The following CTSB variants were observed in gnomAD, a reference collection of about 807,000 sequenced individuals.
CTSB encodes cathepsin B, also known as APP secretase.
CTSB carries 57 observed loss-of-function variants against 44.3 expected under a neutral mutation model. The ratio of observed to expected loss-of-function variants is 1.29; its 90% CI spans 1.04 to 1.60. CTSB has a LOEUF of 1.60. CTSB is among the 40% of genes most tolerant of loss of function. The probability of loss-of-function intolerance (pLI) is 0.00; values close to 1 mark genes in which losing one functional copy is unlikely to be tolerated. For synonymous variants in CTSB, 320 were observed against 168.0 expected (o/e 1.91, Z -7.00); for missense variants, 768 against 443.0 (o/e 1.73, Z -6.59).
intron 1 of CTSB, among the ~76,000 whole-genome samples, chr8:11,858,438 G>A (rs902672292): frequency 1.3e-5 from 2 of 152,104 alleles, no homozygotes; most frequent in African/African-American, 4.8e-5. Flanking sequence ...GGGACTACAG[G>A]CATACACCAC....
At chr8:11,846,719 G>A (rs755822377) in intron 8 of CTSB, among the ~76,000 whole-genome samples, 2 of 152,248 alleles carry the variant, frequency 1.3e-5, no homozygotes, top group African/African-American at 2.4e-5. Flanking sequence ...AAGCCAGGAA[G>A]GCGAGGGCAG....
At chr8:11,855,745 T>C (rs1326014157) in intron 1 of CTSB, among the ~76,000 whole-genome samples, 1 of 152,012 alleles carries the variant, frequency 6.6e-6, no homozygotes. Flanking sequence ...TCAACCGGCA[T>C]GGTGGCTCAA....
chr8:11,850,275 T>C (rs1242870634), intron 4 of CTSB, among the ~76,000 whole-genome samples: 2 of 151,770 alleles, frequency 1.3e-5, no homozygotes, highest in East Asian at 3.9e-4. Context: ...AAAAATTAGC[T>C]GGGCGTGGTG....
rs73534712 is a variant in CTSB, at chr8:11,863,989, T to C, written c.-26+4012A>G. 4.7e-3 allele frequency among the ~76,000 whole-genome samples: 712 copies of C among 152,184 alleles called. 2 individuals carry two copies. The highest frequency in any genetic ancestry group is 0.016 in the African/African-American group (649 of 41,506). ...GGATATTTATTGTAGCATGGGATAA[T>C]AGTGAACACGAAATAACATAACTGT... On this transcript the variant is annotated intron_variant, in intron 1 of 9. Transcript: ENST00000353047.
At chr8:11,864,837 C>T (rs1042781469) in intron 1 of CTSB, among the ~76,000 whole-genome samples, 4 of 151,820 alleles carry the variant, frequency 2.6e-5, no homozygotes, top group Admixed American at 1.3e-4. Flanking sequence ...TTGCTTGAAC[C>T]TGGGAGGTGA....
intron 1 of CTSB, among the ~76,000 whole-genome samples, chr8:11,859,131 G>A (rs6981167): frequency 6.6e-6 from 1 of 151,928 alleles, no homozygotes; most frequent in Non-Finnish European, 1.5e-5. Context: ...CTAATCTTTG[G>A]GTTAAAAAAA....
rs1212346366 is a variant in CTSB at position 11,845,026 on chromosome 8, G to C, written c.*99C>G. On this transcript the variant is annotated 3_prime_UTR_variant, in exon 10 of 10. Transcript: ENST00000353047. ...GATGTTTGGCCAATCCAGTCCTTCA[G>C]ACCCTGTCTGAAACTTGTATCTTAC... The C allele has an allele frequency of 8.5e-6, 7 of 821,078 alleles. No individual in the cohort carries two copies. The highest frequency in any genetic ancestry group is 4.1e-6 in the Non-Finnish European group (2 of 493,682). The allele number at this position is 821,078 out of a possible 1,614,324, so 50.9% of individuals were successfully genotyped here.
At chr8:11,866,763 G>A (rs1239570686) in intron 1 of CTSB, among the ~76,000 whole-genome samples, 1 of 152,198 alleles carries the variant, frequency 6.6e-6, no homozygotes, top group African/African-American at 2.4e-5. Context: ...GGGAGGCTGA[G>A]GCAGGAGAAT....
intron 8 of CTSB, among the ~76,000 whole-genome samples, chr8:11,845,990 T>C (rs537907639): frequency 1.3e-5 from 2 of 152,334 alleles, no homozygotes; most frequent in East Asian, 3.8e-4. Flanking sequence ...CACTCAAAGT[T>C]GTTGAGTAAA....
chr8:11,846,870 ACAGT>A (rs1251700660), intron 8 of CTSB, among the ~76,000 whole-genome samples, 178 bp downstream of exon 8: 14 of 152,156 alleles, frequency 9.2e-5, no homozygotes, highest in East Asian at 5.8e-4. Flanking sequence ...CTGGACAAAG[ACAGT>A]CAGGTGCCAG....
At chr8:11,863,850 G>C (rs1816750627) in intron 1 of CTSB, among the ~76,000 whole-genome samples, 1 of 152,136 alleles carries the variant, frequency 6.6e-6, no homozygotes, top group Non-Finnish European at 1.5e-5. Flanking sequence ...CAACCACACT[G>C]GAGAACCCTT....
intron 4 of CTSB, chr8:11,849,394 C>T (rs1402031554): frequency 2.7e-6 from 1 of 373,064 alleles, no homozygotes; most frequent in East Asian, 5.1e-5. Context: ...GATTTGCCCA[C>T]CTTGGCCTCC....
chr8:11,848,246 G>C (rs778399156), intron 5 of CTSB, 94 bp from the exon 6 acceptor site: 2 of 1,082,100 alleles, frequency 1.8e-6, no homozygotes, highest in Admixed American at 3.6e-5. Flanking sequence ...GCCACTCGTG[G>C]ACCCACCCCC....
In CTSB at chr8:11,843,249, T is replaced by TA. The variant is rs1363339674; in HGVS notation, c.*1875dup. ...GGCGTGAGCCACGACGGCCGGCTGTTATGCTCATCATGGCACTTAAGAGAT... is the reference window on the plus strand; with the variant it reads ...GGCGTGAGCCACGACGGCCGGCTGTTAATGCTCATCATGGCACTTAAGAGAT... On this transcript the variant is annotated 3_prime_UTR_variant, in exon 10 of 10. Transcript: ENST00000353047. 3.9e-5 allele frequency: 6 copies of TA among 152,208 alleles called. No individual in the cohort carries two copies. The highest frequency in any genetic ancestry group is 1.4e-4 in the African/African-American group (6 of 41,486). 9.4% of individuals were successfully genotyped at this position (152,208 alleles called of 1,614,324 possible). A position where few individuals can be genotyped will look rare whatever the true frequency, so the allele number is the denominator to read the frequency against.
At chr8:11,864,489 A>G (rs1816844405) in intron 1 of CTSB, 1 of 152,142 alleles carries the variant, frequency 6.6e-6, no homozygotes, top group Non-Finnish European at 1.5e-5. Context: ...AGACCCTGTC[A>G]TTAATCAAAC....
chr8:11,866,471 C>G (rs1817168481), intron 1 of CTSB, among the ~76,000 whole-genome samples: 1 of 152,380 alleles, frequency 6.6e-6, no homozygotes, highest in Non-Finnish European at 1.5e-5. Context: ...AGGGAAGCCT[C>G]TGTTCTCCAG....
At chr8:11,848,999 A>G (rs762518646) in intron 5 of CTSB, 47 bp downstream of exon 5, 4 of 1,409,050 alleles carry the variant, frequency 2.8e-6, no homozygotes, top group Non-Finnish European at 4.0e-6. Flanking sequence ...GCTGGGGCCC[A>G]GGGTCTCTCA....
intron 1 of CTSB, among the ~76,000 whole-genome samples, chr8:11,857,427 G>A (rs1448238847): frequency 6.6e-6 from 1 of 152,182 alleles, no homozygotes; most frequent in Non-Finnish European, 1.5e-5. Context: ...TGTGAGGTTA[G>A]CATGTCTCGT....
rs115204343 is a variant in CTSB, at chr8:11,858,727, C to A, written c.-25-5248G>T. On this transcript the variant is annotated intron_variant, in intron 1 of 9. Coordinates refer to ENST00000353047, the MANE Select transcript of CTSB (RefSeq NM_001908.5). ...TCCTGACAGCAGTGGCAATCTCACTCCATTGTGCAACAGGCGCCTTTCTCT... is the reference window on the plus strand; with the variant it reads ...TCCTGACAGCAGTGGCAATCTCACTACATTGTGCAACAGGCGCCTTTCTCT... Among the ~76,000 whole-genome samples the A allele has an allele frequency of 4.5e-3, 692 of 152,298 alleles. 4 individuals are homozygous for A. Among genetic ancestry groups the A allele is most frequent in the African/African-American group, 0.016 (660 of 41,562 alleles).
Sources: gnomAD v4.1 joint callset for allele counts (sites outside exome capture counted in the v4.1 genomes callset) on GRCh38, gnomAD v4.1.1 for gene constraint, MANE v1.5 for transcripts, NCBI Gene and HGNC (gene_info 2026-07-23, HGNC 2026-07-21) for gene names.